The following LUZP2 variants were observed in gnomAD, a reference collection of about 807,000 sequenced individuals.
LUZP2 encodes the protein leucine zipper protein 2.
A neutral mutation model predicts 51.6 loss-of-function variants in LUZP2; 52 were observed. The ratio of observed to expected loss-of-function variants is 1.01; its 90% CI spans 0.81 to 1.27. The LOEUF (loss-of-function observed/expected upper bound fraction) is 1.27, where lower values mean the gene tolerates loss of function less well. LUZP2 is among the 50% of genes most tolerant of loss of function. The pLI is 0.00. For synonymous variants in LUZP2, 154 were observed against 137.3 expected (o/e 1.12, Z -0.85); for missense variants, 436 against 395.4 (o/e 1.10, Z -0.87).
chr11:24,558,088 T>C (rs1851925127), intron 1 of LUZP2, among the ~76,000 whole-genome samples: 1 of 152,108 alleles, frequency 6.6e-6, no homozygotes, highest in South Asian at 2.1e-4. Flanking sequence ...GAAGGGTGAA[T>C]TCTTGCTCTC....
intron 5 of LUZP2, among the ~76,000 whole-genome samples, chr11:24,808,663 A>T (rs1849922921): frequency 6.6e-6 from 1 of 152,148 alleles, no homozygotes; most frequent in Admixed American, 6.6e-5. Context: ...TGTGAAACTT[A>T]ATTGTGCTTA....
chr11:24,896,134 A>G (rs1853036251), intron 5 of LUZP2, among the ~76,000 whole-genome samples: 2 of 152,224 alleles, frequency 1.3e-5, no homozygotes, highest in African/African-American at 2.4e-5. Flanking sequence ...ACAACGTGCT[A>G]GCAGCCCTGG....
chr11:24,719,588 T>C (rs1445718386), intron 1 of LUZP2, among the ~76,000 whole-genome samples: 1 of 152,230 alleles, frequency 6.6e-6, no homozygotes, highest in African/African-American at 2.4e-5. Context: ...TTTGGCACTA[T>C]GTAGTACATT....
At chr11:24,720,596 C>G (rs1022605098) in intron 1 of LUZP2, among the ~76,000 whole-genome samples, 1 of 152,188 alleles carries the variant, frequency 6.6e-6, no homozygotes. Context: ...AGCCTAATGA[C>G]TTACAAAAAC....
At chr11:25,067,824 C>T (rs2197543) in intron 10 of LUZP2, among the ~76,000 whole-genome samples, 136,570 of 151,910 alleles carry the variant, frequency 0.9, 62,376 homozygotes, top group Non-Finnish European at 0.98. Context: ...ACTATGTACC[C>T]GAAGGATTAT....
intron 1 of LUZP2, among the ~76,000 whole-genome samples, chr11:24,653,911 T>C (rs909918163): frequency 6.6e-6 from 1 of 152,112 alleles, no homozygotes; most frequent in Admixed American, 6.5e-5. Context: ...AAAATTTATT[T>C]CAAAAGAGCA....
intron 9 of LUZP2, among the ~76,000 whole-genome samples, chr11:25,011,314 T>C (rs1033099167): frequency 6.6e-6 from 1 of 152,192 alleles, no homozygotes; most frequent in African/African-American, 2.4e-5. Flanking sequence ...TATTCTATCA[T>C]GTTGAGTAAA....
At chr11:24,610,098 C>T (rs184726543) in intron 1 of LUZP2, among the ~76,000 whole-genome samples, 35 of 152,334 alleles carry the variant, frequency 2.3e-4, no homozygotes, top group South Asian at 1.2e-3. Context: ...GCCATTCCAA[C>T]GTAACTGTGT....
intron 1 of LUZP2, among the ~76,000 whole-genome samples, chr11:24,720,861 G>A (rs1482624516): frequency 6.6e-6 from 1 of 152,074 alleles, no homozygotes; most frequent in African/African-American, 2.4e-5. Context: ...CACCACGTCC[G>A]GCTAATTTTT....
In LUZP2 at chr11:24,893,883, T is replaced by C. The variant is rs79323629; in HGVS notation, c.397-12108T>C. ...TTGTTTTCCTCTAAGAACAATTTAA[T>C]ATGAGCATCCATCCAGGAGACTAAT... On this transcript the variant is annotated intron_variant, in intron 5 of 11. Transcript: ENST00000336930. Among the ~76,000 whole-genome samples the C allele has an allele frequency of 7.8e-3, 1,187 of 152,262 alleles. 16 individuals are homozygous for C. The highest frequency in any genetic ancestry group is 0.056 in the East Asian group (290 of 5,164).
chr11:24,753,496 T>C (rs1451582283), intron 4 of LUZP2, among the ~76,000 whole-genome samples: 1 of 152,132 alleles, frequency 6.6e-6, no homozygotes, highest in African/African-American at 2.4e-5. Flanking sequence ...ATTAGAGTCC[T>C]ATTTAGTATG....
intron 9 of LUZP2, among the ~76,000 whole-genome samples, chr11:25,033,189 A>G (rs11607107): frequency 0.47 from 71,790 of 151,972 alleles, 17,449 homozygotes; most frequent in Non-Finnish European, 0.51. Context: ...CTCCAGAAAC[A>G]TATAAGAAGA....
chr11:24,909,414 T>C (rs1218657191), intron 6 of LUZP2, among the ~76,000 whole-genome samples: 10 of 151,930 alleles, frequency 6.6e-5, no homozygotes, highest in East Asian at 5.8e-4. Context: ...TGTGGAAGAA[T>C]TGACATGCAG....
intron 5 of LUZP2, among the ~76,000 whole-genome samples, chr11:24,889,424 A>G (rs1168062220): frequency 6.6e-6 from 1 of 152,184 alleles, no homozygotes; most frequent in African/African-American, 2.4e-5. Context: ...TTCTTTTTCT[A>G]AGTAAAATCT....
intron 7 of LUZP2, among the ~76,000 whole-genome samples, chr11:24,969,429 G>A (rs1214521296): frequency 6.6e-6 from 1 of 151,998 alleles, no homozygotes; most frequent in Non-Finnish European, 1.5e-5. Flanking sequence ...AGTTTTTCAT[G>A]TCACCAAAGC....
intron 9 of LUZP2, among the ~76,000 whole-genome samples, chr11:25,033,262 T>G (rs1362323140): frequency 6.6e-6 from 1 of 152,176 alleles, no homozygotes; most frequent in African/African-American, 2.4e-5. Flanking sequence ...AAACTGTATA[T>G]TAACCAGATT....
rs780064152 is a variant in LUZP2, at chr11:24,729,213, A to C, written c.107A>C (p.Lys36Thr). 1.3e-6 allele frequency: 2 copies of C among 1,579,826 alleles called. No individual in the cohort carries two copies. Among genetic ancestry groups the C allele is most frequent in the South Asian group, 2.3e-5 (2 of 87,086 alleles). Residue 36 changes from lysine to threonine, a missense_variant, in exon 2 of 12, where the codon AAG (lysine) becomes ACG (threonine). Physicochemically the swap from Lys to Thr is moderately conservative, Grantham distance 78. Transcript: ENST00000336930. ...ELEKQLKEVF[K>T]ERSTILRQLT... The stretch of plus-strand genomic sequence containing the variant: ...GAAAAGCAGCTGAAAGAAGTCTTTA[A>C]GGAGCGAAGCACCATTCTTCGTCAG...
rs116912762 is a variant in LUZP2 at position 25,065,131 on chromosome 11, T to C, written c.859-12198T>C. On this transcript the variant is annotated intron_variant, in intron 10 of 11. Coordinates refer to ENST00000336930, the MANE Select transcript of LUZP2 (RefSeq NM_001009909.4). ...ATACCAAAATATGCATCTTAAACTA[T>C]GGGAAAGCTGCTTGAAAGAGCCAAA... Among the ~76,000 whole-genome samples, 307 of 152,140 alleles carry C rather than the reference T, an allele frequency of 2.0e-3. 2 individuals are homozygous for C. The highest frequency in any genetic ancestry group is 3.4e-3 in the Middle Eastern group (1 of 294).
chr11:25,068,158 G>GC (rs2134051049), intron 10 of LUZP2, among the ~76,000 whole-genome samples: 1 of 151,922 alleles, frequency 6.6e-6, no homozygotes, highest in East Asian at 1.9e-4. Flanking sequence ...CACACTGGGG[G>GC]CCTGTTGGGG....
Sources: gnomAD v4.1 joint callset for allele counts (sites outside exome capture counted in the v4.1 genomes callset) on GRCh38, gnomAD v4.1.1 for gene constraint, MANE v1.5 for transcripts, NCBI Gene and HGNC (gene_info 2026-07-23, HGNC 2026-07-21) for gene names.